The following BCAS3 variants were observed in gnomAD, a reference collection of about 807,000 sequenced individuals.
BCAS3 encodes BCAS3 microtubule associated cell migration factor.
In BCAS3, 53 loss-of-function variants were observed where a neutral mutation model predicts 116.1. The ratio of observed to expected loss-of-function variants is 0.46; its 90% confidence interval spans 0.37 to 0.57. The LOEUF is 0.57. Among genes scored for constraint, BCAS3 ranks in the 20% least tolerant of loss-of-function variants. The pLI is 0.00. For synonymous variants in BCAS3, 391 were observed against 408.2 expected, an observed-to-expected ratio of 0.96 and a Z score of 0.51; for missense variants, 917 against 1,165.4, an observed-to-expected ratio of 0.79 and a Z score of 3.10.
intron 6 of BCAS3, among the ~76,000 whole-genome samples, chr17:60,795,399 GC>G (rs1419217744): frequency 2.6e-5 from 4 of 152,062 alleles, no homozygotes; most frequent in Non-Finnish European, 5.9e-5. Context: ...TGATTTGGAT[GC>G]TCTTTATTTT....
At chr17:60,880,623 T>C (rs2056037056) in intron 9 of BCAS3, among the ~76,000 whole-genome samples, 1 of 152,184 alleles carries the variant, frequency 6.6e-6, no homozygotes. Flanking sequence ...AGTTGACAGA[T>C]ATTTAGTTTG....
rs2053360140 is a variant in BCAS3, at chr17:61,300,720, C to A, written c.2426-67607C>A. ...AAGAATACCTTTTTTTCCCTCATCA[C>A]CTACCACAGAAAGTTCAGAGAAGTT... On this transcript the variant is annotated intron_variant, in intron 22 of 23. Transcript: ENST00000407086. The surrounding 1 kb of genome is among the most constrained non-coding windows in gnomAD (Gnocchi z 5.1). Among the ~76,000 whole-genome samples, 2 of 152,140 alleles carry A rather than the reference C, an allele frequency of 1.3e-5. No homozygotes were observed. The highest frequency in any genetic ancestry group is 4.1e-4 in the South Asian group (2 of 4,828).
intron 13 of BCAS3, among the ~76,000 whole-genome samples, chr17:60,936,486 G>A (rs1294463068): frequency 6.6e-6 from 1 of 152,066 alleles, no homozygotes; most frequent in Non-Finnish European, 1.5e-5. Context: ...CAGTGTAAAA[G>A]TGTTCCTATT....
intron 14 of BCAS3, among the ~76,000 whole-genome samples, chr17:60,949,645 C>T (rs551960239): frequency 6.6e-6 from 1 of 152,264 alleles, no homozygotes; most frequent in South Asian, 2.1e-4. Context: ...TTGATACAGG[C>T]ATACAATGCG....
intron 3 of BCAS3, 87 bp from the exon 4 acceptor site, chr17:60,689,599 T>G: frequency 1.1e-6 from 1 of 880,112 alleles, no homozygotes. Context: ...AGAGGTATAG[T>G]GTTGGCTTTA....
At chr17:61,071,080 G>T (rs2071387120) in intron 19 of BCAS3, among the ~76,000 whole-genome samples, 1 of 152,090 alleles carries the variant, frequency 6.6e-6, no homozygotes, top group African/African-American at 2.4e-5. Flanking sequence ...ACAGAGCCTG[G>T]CTCTTCTGCT....
chr17:61,116,024 A>C (rs1033126839), intron 22 of BCAS3, among the ~76,000 whole-genome samples: 1 of 145,052 alleles, frequency 6.9e-6, no homozygotes, highest in Non-Finnish European at 1.5e-5. Context: ...TCTCACTCAT[A>C]GGTGGGAATT....
rs1308421035 is a variant in BCAS3 at position 61,244,034 on chromosome 17, TC to T, written c.2426-124290del. Among the ~76,000 whole-genome samples, 1 of 152,072 alleles carries T rather than the reference TC, an allele frequency of 6.6e-6. No individual in the cohort carries two copies. Among genetic ancestry groups the T allele is most frequent in the Non-Finnish European group, 1.5e-5 (1 of 68,008 alleles). On this transcript the variant is annotated intron_variant, in intron 22 of 23. Coordinates refer to ENST00000407086, the MANE Select transcript of BCAS3 (RefSeq NM_017679.5). This position sits in a 1 kb window ranked among gnomAD's most constrained non-coding sequence, Gnocchi z 4.9. ...CTGAACTCCTGGCCTCAAGTGATTC[TC>T]CCTGTCTCAGCCTCCCAAAGGGATG...
At position 60,864,020 on chromosome 17, in the gene BCAS3, T is replaced by A. The variant is rs557961795; in HGVS notation, c.477-4556T>A. ...GCAGCTTTATTCAGTAGCCTTGGAATTGGAGAAGTGGGAACTTAGCTTAAC... is the reference window on the plus strand; with the variant it reads ...GCAGCTTTATTCAGTAGCCTTGGAAATGGAGAAGTGGGAACTTAGCTTAAC... On this transcript the variant is annotated intron_variant, in intron 7 of 23. Coordinates refer to ENST00000407086, the MANE Select transcript of BCAS3 (RefSeq NM_017679.5). Among the ~76,000 whole-genome samples, 18 of 152,274 alleles carry A rather than the reference T, an allele frequency of 1.2e-4. No homozygotes were observed. The South Asian group carries it at 3.7e-3, about 32-fold the overall frequency.
chr17:60,685,141 A>T (rs985745026), intron 3 of BCAS3, among the ~76,000 whole-genome samples: 1 of 152,208 alleles, frequency 6.6e-6, no homozygotes, highest in Non-Finnish European at 1.5e-5. Context: ...AACATTTTGC[A>T]CATTAGGCTT....
Position 61,128,361 on chromosome 17 carries a change from G to T in BCAS3, c.2425+43797G>T, listed in dbSNP as rs1227368511. 1.0e-6 allele frequency: 1 copy of T among 985,232 alleles called. No individual in the cohort carries two copies. The highest frequency in any genetic ancestry group is 1.2e-6 in the Non-Finnish European group (1 of 829,918). The allele number at this position is 985,232 out of a possible 1,614,324, so 61.0% of individuals were successfully genotyped here. On this transcript the variant is annotated intron_variant, in intron 22 of 23. Transcript: ENST00000407086. This position sits in a 1 kb window ranked among gnomAD's most constrained non-coding sequence, Gnocchi z 4.1. ...ATTCCAGTTCCTTTCTTATTTGTTT[G>T]ATGTACAGGCTTATTTAAGTGAAAG...
At chr17:61,022,983 CAT>C (rs1464916581) in intron 16 of BCAS3, among the ~76,000 whole-genome samples, 2 of 152,284 alleles carry the variant, frequency 1.3e-5, no homozygotes, top group African/African-American at 2.4e-5. Context: ...AATTGGGTAT[CAT>C]GTGTATCTCA....
rs1568282668 is a variant in BCAS3, at chr17:61,070,395, A to G, written c.2030-4525A>G. On this transcript the variant is annotated intron_variant, in intron 19 of 23. Coordinates refer to ENST00000407086, the MANE Select transcript of BCAS3 (RefSeq NM_017679.5). Reference sequence around the variant, plus strand: ...TATATATATATATATATATATATATATATATCTTTTCACCATTTAAAAAAA... The same window carrying G: ...TATATATATATATATATATATATATGTATATCTTTTCACCATTTAAAAAAA... The G allele has an allele frequency of 1.2e-5, 2 of 168,382 alleles. 1 individual carries two copies. The highest frequency in any genetic ancestry group is 2.3e-5 in the Non-Finnish European group (2 of 87,710). The allele number at this position is 168,382 out of a possible 1,614,324, so 10.4% of individuals were successfully genotyped here. A position where few individuals can be genotyped will look rare whatever the true frequency, so the allele number is the denominator to read the frequency against.
chr17:61,015,905 A>G lies in BCAS3; in HGVS notation c.1637+4A>G, dbSNP rs753478716. 1 of 1,613,758 alleles carries G rather than the reference A, an allele frequency of 6.2e-7. No individual in the cohort carries two copies. The highest frequency in any genetic ancestry group is 8.5e-7 in the Non-Finnish European group (1 of 1,179,704). On this transcript the variant is annotated splice_donor_region_variant and intron_variant, in intron 16 of 23. Coordinates refer to ENST00000407086, the MANE Select transcript of BCAS3 (RefSeq NM_017679.5). ...GGACCATCACCAAACGAACCGGGTA[A>G]GGCCTTAGACTTGATGCTTTTTTAA...
chr17:60,727,263 G>T, intron 5 of BCAS3: 1 of 1,052,640 alleles, frequency 9.5e-7, no homozygotes, highest in Non-Finnish European at 1.5e-6. Flanking sequence ...CTGCAGTTAG[G>T]CTCAACACAT....
chr17:60,742,563 G>T (rs935770277), intron 5 of BCAS3, among the ~76,000 whole-genome samples: 2 of 150,894 alleles, frequency 1.3e-5, no homozygotes, highest in African/African-American at 4.9e-5. Flanking sequence ...CTCCCGAGTA[G>T]CTGGGACTAC....
rs1019986656 is a variant in BCAS3, at chr17:61,337,299, C to T, written c.2426-31028C>T. 1.3e-5 allele frequency among the ~76,000 whole-genome samples: 2 copies of T among 152,186 alleles called. No homozygotes were observed. The highest frequency in any genetic ancestry group is 2.4e-5 in the African/African-American group (1 of 41,454). ...CTTGGGAAGTTATTGGTGGAGAGCA[C>T]TGGTGTTCCTGGCTAATGTGGGGTC... On this transcript the variant is annotated intron_variant, in intron 22 of 23. Transcript: ENST00000407086. This position sits in a 1 kb window ranked among gnomAD's most constrained non-coding sequence, Gnocchi z 4.8.
rs2064766679 is a variant in BCAS3, at chr17:61,007,019, G to A, written c.1487-8732G>A. 6.6e-6 allele frequency among the ~76,000 whole-genome samples: 1 copy of A among 152,002 alleles called. No individual in the cohort carries two copies. Among genetic ancestry groups the A allele is most frequent in the African/African-American group, 2.4e-5 (1 of 41,414 alleles). On this transcript the variant is annotated intron_variant, in intron 15 of 23. Coordinates refer to ENST00000407086, the MANE Select transcript of BCAS3 (RefSeq NM_017679.5). The surrounding 1 kb of genome is among the most constrained non-coding windows in gnomAD (Gnocchi z 4.3). ...ACTTTCTTCATTCCAAAATCTTGGA[G>A]TGCTCTAAGAATAATAAGTAATGAA...
At chr17:60,921,544 C>T (rs1187868560) in intron 12 of BCAS3, among the ~76,000 whole-genome samples, 2 of 139,506 alleles carry the variant, frequency 1.4e-5, no homozygotes, top group African/African-American at 2.6e-5. Context: ...ACCCGGGAGG[C>T]GGAGCTTGCA....
Sources: allele counts gnomAD v4.1 joint callset (sites outside exome capture counted in the v4.1 genomes callset), GRCh38; gene constraint gnomAD v4.1.1; non-coding constraint Gnocchi (gnomAD v3.1); transcripts MANE v1.5; gene names NCBI Gene and HGNC (gene_info 2026-07-23, HGNC 2026-07-21).